Variants in ARMCX4 observed in about 807,000 individuals in gnomAD.
ARMCX4 encodes armadillo repeat-containing X-linked protein 4.
A neutral mutation model predicts 34.7 loss-of-function variants in ARMCX4; 3 were observed. The ratio of observed to expected loss-of-function variants is 0.09; its 90% CI spans 0.04 to 0.22. The LOEUF (loss-of-function observed/expected upper bound fraction) is 0.22. Among genes scored for constraint, ARMCX4 ranks in the 10% least tolerant of loss-of-function variants. The pLI, the probability that ARMCX4 is intolerant of heterozygous loss-of-function variation, is 1.00. For synonymous variants in ARMCX4, 513 were observed against 632.8 expected (o/e 0.81, Z 2.84); for missense variants, 1,448 against 1,720.8 (o/e 0.84, Z 2.81).
At chrX:101,442,903 C>T (rs782018007) in intron 2 of ARMCX4, among the ~76,000 whole-genome samples, 16 of 110,825 alleles carry the variant, frequency 1.4e-4, no homozygotes, top group African/African-American at 4.3e-4. Flanking sequence ...GAGGCTGAGG[C>T]GGGCGGATCA....
intron 2 of ARMCX4, among the ~76,000 whole-genome samples, chrX:101,434,542 G>A (rs1198698381): frequency 2.7e-5 from 3 of 111,444 alleles, no homozygotes; most frequent in Admixed American, 9.6e-5. Flanking sequence ...CACTGCGCCC[G>A]GCCATGGTCA....
chrX:101,422,549 C>T (rs918903542), intron 2 of ARMCX4, among the ~76,000 whole-genome samples: 4 of 111,112 alleles, frequency 3.6e-5, no homozygotes, highest in Non-Finnish European at 7.5e-5. Flanking sequence ...TTAGGTTTCA[C>T]AATAGTGATG....
chrX:101,488,980 A>G lies in ARMCX4; in HGVS notation c.391A>G (p.Thr131Ala). 8.7e-7 allele frequency: 1 copy of G among 1,155,447 alleles called. No homozygotes were observed. The highest frequency in any genetic ancestry group is 1.1e-6 in the Non-Finnish European group (1 of 872,517). Reference sequence around the variant, plus strand: ...AACACTGGTCATGACAGAGGCAGTGACTCTGACTGAGGTCAAGGCCAAAGC... The same window carrying G: ...AACACTGGTCATGACAGAGGCAGTGGCTCTGACTGAGGTCAAGGCCAAAGC... Reference protein sequence around the residue: ...AGTLVMTEAVTLTEVKAKARE... With the variant: ...AGTLVMTEAVALTEVKAKARE... Residue 131 changes from threonine (T) to alanine (A), a missense_variant, in exon 6 of 6, where the codon ACT becomes GCT. By Grantham distance (58) the Thr-to-Ala change is moderately conservative. Around this residue, in one of 2 missense-constraint regions of ARMCX4, gnomAD observed 1,343 missense variants for 1,540.7 expected, o/e 0.87. Transcript: ENST00000423738.
At chrX:101,479,304 C>CCACACA (rs34549014) in intron 4 of ARMCX4, among the ~76,000 whole-genome samples, 1 of 78,196 alleles carries the variant, frequency 1.3e-5, no homozygotes, top group African/African-American at 4.6e-5. Flanking sequence ...ATAAAGAAAA[C>CCACACA]CACACACACA....
At chrX:101,440,577 A>G in intron 2 of ARMCX4, among the ~76,000 whole-genome samples, 1 of 111,648 alleles carries the variant, frequency 9.0e-6, no homozygotes. Flanking sequence ...CAGAGGTGGA[A>G]TCTACAGAGG....
intron 4 of ARMCX4, among the ~76,000 whole-genome samples, chrX:101,469,366 G>A (rs1450400475): frequency 9.0e-6 from 1 of 111,625 alleles, no homozygotes; most frequent in Non-Finnish European, 1.9e-5. Context: ...CAGTTAAAAG[G>A]ATCAACATTT....
rs782048295 is a variant in ARMCX4, at chrX:101,442,777, C to G, written n.165-1275C>G. On this transcript the variant is annotated intron_variant and non_coding_transcript_variant, in intron 2 of 3. Transcript: ENST00000430461. ...TCATCCTGTCTCCAGGCCACTGTCC[C>G]CTGGCAAAGACACTGCTATGGTTTG... Among the ~76,000 whole-genome samples, 17 of 111,039 alleles carry G rather than the reference C, an allele frequency of 1.5e-4. No individual in the cohort carries two copies. The Admixed American group carries it at 1.6e-3, about 11-fold the overall frequency.
chrX:101,485,509 G>C lies in ARMCX4; in HGVS notation c.-458G>C, dbSNP rs1245254919. On this transcript the variant is annotated 5_prime_UTR_variant, in exon 1 of 6. Transcript: ENST00000423738. ...GCCCTGCGCTCGGCGGGCTGGCATC[G>C]GGCCCGGGGAAAGCGGAGCAGGTAA... 1 of 671,137 alleles carries C rather than the reference G, an allele frequency of 1.5e-6. No individual in the cohort carries two copies. Among genetic ancestry groups the C allele is most frequent in the Non-Finnish European group, 1.8e-6 (1 of 563,345 alleles). 55.3% of individuals were successfully genotyped at this position (671,137 alleles called of 1,213,427 possible). A position where few individuals can be genotyped will look rare whatever the true frequency, so the allele number is the denominator to read the frequency against.
downstream of ARMCX4, chrX:101,447,860 G>A (rs1555998335): frequency 9.0e-6 from 1 of 110,929 alleles, no homozygotes; most frequent in African/African-American, 3.3e-5. Context: ...GACTCTTTTA[G>A]TTATTATTAA....
At chrX:101,449,413 C>G (rs782517726), downstream of ARMCX4, among the ~76,000 whole-genome samples, 2 of 111,488 alleles carry the variant, frequency 1.8e-5, no homozygotes, top group South Asian at 7.5e-4. Flanking sequence ...TTTCTTTTGT[C>G]TCCTCTGACT....
intron 2 of ARMCX4, among the ~76,000 whole-genome samples, chrX:101,434,081 G>A (rs1468749631): frequency 2.8e-5 from 3 of 108,260 alleles, no homozygotes; most frequent in African/African-American, 1.0e-4. Context: ...AAGTAGCTGG[G>A]ACCACAGGCA....
intron 4 of ARMCX4, among the ~76,000 whole-genome samples, chrX:101,466,699 G>A (rs1319082142): frequency 9.0e-6 from 1 of 111,678 alleles, no homozygotes; most frequent in African/African-American, 3.3e-5. Context: ...GTGGTTTTTT[G>A]GGGGTGCTGA....
chrX:101,419,201 A>G (rs1175144082), intron 2 of ARMCX4: 1 of 111,353 alleles, frequency 9.0e-6, no homozygotes, highest in Non-Finnish European at 1.9e-5. Flanking sequence ...GTGGTTCTCA[A>G]ATTATTTCAC....
At chrX:101,472,485 A>G (rs1335338505) in intron 4 of ARMCX4, among the ~76,000 whole-genome samples, 1 of 81,956 alleles carries the variant, frequency 1.2e-5, no homozygotes, top group Admixed American at 1.5e-4. Context: ...CGAGAAGAGC[A>G]ACTCCAAGAC....
chrX:101,476,873 G>GA (rs781848622), intron 4 of ARMCX4, among the ~76,000 whole-genome samples: 1 of 109,956 alleles, frequency 9.1e-6, no homozygotes, highest in Non-Finnish European at 1.9e-5. Flanking sequence ...AAAGCAAGAA[G>GA]AAAAAAATCA....
chrX:101,502,715 CTTT>C (rs1464314944), intron 7 of ARMCX4, among the ~76,000 whole-genome samples: 3 of 110,156 alleles, frequency 2.7e-5, no homozygotes, highest in Non-Finnish European at 5.7e-5. Flanking sequence ...TTCAAGTGTT[CTTT>C]ATTTTTTTTT....
At chrX:101,515,752 A>G (rs7891338) in intron 11 of ARMCX4, among the ~76,000 whole-genome samples, 8,016 of 107,295 alleles carry the variant, frequency 0.075, 361 homozygotes, top group African/African-American at 0.17. Flanking sequence ...ATGTTGGTCA[A>G]TCTGGTCTTG....
downstream of ARMCX4, among the ~76,000 whole-genome samples, chrX:101,449,223 T>C (rs1400098449): frequency 4.5e-5 from 5 of 112,230 alleles, no homozygotes; most frequent in Non-Finnish European, 7.5e-5. Context: ...CCATTATAAC[T>C]TTCTTGTACT....
downstream of ARMCX4, among the ~76,000 whole-genome samples, chrX:101,449,308 C>T (rs1328846328): frequency 1.8e-5 from 2 of 112,431 alleles, no homozygotes; most frequent in Non-Finnish European, 3.8e-5. Flanking sequence ...TACCCCATCT[C>T]TTTTTCTACC....
Sources: gnomAD v4.1 joint callset for allele counts (sites outside exome capture counted in the v4.1 genomes callset) on GRCh38, gnomAD v4.1.1 for gene constraint, gnomAD v4.1.1 regional missense constraint, MANE v1.5 for transcripts, NCBI Gene and HGNC (gene_info 2026-07-23, HGNC 2026-07-21) for gene names.